The following GRM3 variants were observed in gnomAD, a reference collection of about 807,000 sequenced individuals.
GRM3 encodes glutamate metabotropic receptor 3, also known as metabotropic glutamate receptor 3.
GRM3 carries 26 observed loss-of-function variants against 70.5 expected under a neutral mutation model. That is an observed-to-expected ratio of 0.37 (90% CI 0.27 to 0.51). The LOEUF is 0.51. GRM3 is among the 20% of genes least tolerant of loss of function. The probability of loss-of-function intolerance (pLI) is 0.93; values close to 1 mark genes in which losing one functional copy is unlikely to be tolerated. For synonymous variants in GRM3, 443 were observed against 434.9 expected (o/e 1.02, Z -0.23); for missense variants, 859 against 1,123.8 (o/e 0.76, Z 3.37).
chr7:86,706,618 G>T (rs1299824245), intron 1 of GRM3, among the ~76,000 whole-genome samples: 2 of 151,948 alleles, frequency 1.3e-5, no homozygotes, highest in African/African-American at 4.8e-5. Flanking sequence ...GGAGTGCAAG[G>T]CTCACATGGA....
chr7:86,671,579 G>A (rs1007742306), intron 1 of GRM3, among the ~76,000 whole-genome samples: 1 of 152,112 alleles, frequency 6.6e-6, no homozygotes. Context: ...CTACTGAAAT[G>A]AATTATTTCA....
At chr7:86,844,992 C>T (rs191465128) in intron 4 of GRM3, among the ~76,000 whole-genome samples, 313 of 152,164 alleles carry the variant, frequency 2.1e-3, no homozygotes, top group African/African-American at 6.9e-3. Context: ...TGGATTCAAG[C>T]GATTTTCCTG....
intron 1 of GRM3, among the ~76,000 whole-genome samples, chr7:86,683,709 G>A (rs1242716630): frequency 6.6e-6 from 1 of 152,162 alleles, no homozygotes; most frequent in Non-Finnish European, 1.5e-5. Context: ...TAAGGAATAT[G>A]TCTCTGCCTT....
rs1798528783 is a variant in GRM3, at chr7:86,839,870, C to A, written c.2356C>A (p.Leu786Ile). 6.2e-7 allele frequency: 1 copy of A among 1,609,824 alleles called. No individual in the cohort carries two copies. The highest frequency in any genetic ancestry group is 8.5e-7 in the Non-Finnish European group (1 of 1,176,098). ...YTTCIIWLAF[L>I]PIFYVTSSDY... ...CACGTGCATCATCTGGTTGGCCTTC[C>A]TCCCTATATTTTATGTGACATCAAG... Residue 786 changes from leucine to isoleucine, a missense_variant, in exon 4 of 6, where the codon CTC (leucine) becomes ATC (isoleucine). Transcript: ENST00000361669. This position sits in a 1 kb window ranked among gnomAD's most constrained non-coding sequence, Gnocchi z 4.5.
At chr7:86,734,170 G>T (rs987460650) in intron 1 of GRM3, among the ~76,000 whole-genome samples, 1 of 152,156 alleles carries the variant, frequency 6.6e-6, no homozygotes, top group African/African-American at 2.4e-5. Context: ...TTAGTTCTGA[G>T]ACAGTGGGAA....
At chr7:86,699,747 G>A (rs981517294) in intron 1 of GRM3, among the ~76,000 whole-genome samples, 5 of 151,988 alleles carry the variant, frequency 3.3e-5, no homozygotes, top group South Asian at 2.1e-4. Flanking sequence ...TGGTTTTGAA[G>A]TAACTTGGTC....
At chr7:86,699,281 A>T (rs963852347) in intron 1 of GRM3, among the ~76,000 whole-genome samples, 1 of 152,008 alleles carries the variant, frequency 6.6e-6, no homozygotes, top group Non-Finnish European at 1.5e-5. Flanking sequence ...AATTAGAAAC[A>T]ATACCTATTA....
chr7:86,722,611 G>C (rs192385397), intron 1 of GRM3, among the ~76,000 whole-genome samples: 1 of 141,732 alleles, frequency 7.1e-6, no homozygotes, highest in Non-Finnish European at 1.5e-5. Context: ...GTCGGGGGGT[G>C]GGGGGCTAGG....
chr7:86,852,665 A>G (rs1264908761), intron 5 of GRM3, among the ~76,000 whole-genome samples: 1 of 152,186 alleles, frequency 6.6e-6, no homozygotes, highest in Non-Finnish European at 1.5e-5. Context: ...TAATCAATAC[A>G]AATCAATGAA....
At chr7:86,653,828 A>T (rs1057207044) in intron 1 of GRM3, among the ~76,000 whole-genome samples, 1 of 152,122 alleles carries the variant, frequency 6.6e-6, no homozygotes, top group African/African-American at 2.4e-5. Flanking sequence ...AAGATAAGTT[A>T]CTAGTGTTTG....
At chr7:86,664,096 C>T (rs935285435) in intron 1 of GRM3, among the ~76,000 whole-genome samples, 2 of 151,766 alleles carry the variant, frequency 1.3e-5, no homozygotes, top group African/African-American at 2.4e-5. Context: ...CCAAGAACAA[C>T]AGAAAATCAT....
chr7:86,828,823 C>T (rs1418847517), intron 3 of GRM3, among the ~76,000 whole-genome samples: 1 of 152,206 alleles, frequency 6.6e-6, no homozygotes, highest in African/African-American at 2.4e-5. Context: ...GCGTGTGATG[C>T]TGTTTGACAG....
intron 1 of GRM3, among the ~76,000 whole-genome samples, chr7:86,701,042 T>G (rs1299545628): frequency 6.6e-6 from 1 of 151,946 alleles, no homozygotes; most frequent in Non-Finnish European, 1.5e-5. Context: ...GCTCTACTAC[T>G]GTTTAAACCA....
At chr7:86,833,665 C>A (rs1193557516) in intron 3 of GRM3, among the ~76,000 whole-genome samples, 1 of 152,186 alleles carries the variant, frequency 6.6e-6, no homozygotes, top group East Asian at 1.9e-4. Context: ...AATAACCGTT[C>A]AAGGACAGGA....
At chr7:86,790,770 T>C (rs1231754074) in intron 3 of GRM3, among the ~76,000 whole-genome samples, 1 of 152,136 alleles carries the variant, frequency 6.6e-6, no homozygotes, top group Non-Finnish European at 1.5e-5. Context: ...ATTTCTGTGG[T>C]TAATCCATTC....
At chr7:86,729,685 G>T (rs1795680190) in intron 1 of GRM3, among the ~76,000 whole-genome samples, 3 of 152,140 alleles carry the variant, frequency 2.0e-5, no homozygotes, top group East Asian at 3.8e-4. Flanking sequence ...TTATTTGTAT[G>T]TTCTTATAGA....
chr7:86,656,302 G>A (rs966406786), intron 1 of GRM3, among the ~76,000 whole-genome samples: 12 of 109,356 alleles, frequency 1.1e-4, no homozygotes, highest in Non-Finnish European at 1.7e-4. Flanking sequence ...GTCTTGCTGT[G>A]TTGCCCAGGC....
intron 1 of GRM3, among the ~76,000 whole-genome samples, chr7:86,673,368 C>T (rs981712076): frequency 2.0e-5 from 3 of 152,144 alleles, no homozygotes; most frequent in Non-Finnish European, 4.4e-5. Context: ...ATCCAATTAT[C>T]TATCCACTTC....
At chr7:86,770,344 A>G (rs1796707249) in intron 2 of GRM3, among the ~76,000 whole-genome samples, 1 of 152,100 alleles carries the variant, frequency 6.6e-6, no homozygotes, top group African/African-American at 2.4e-5. Flanking sequence ...GGACCTTCCT[A>G]TCTCTTTCCC....
Sources: allele counts gnomAD v4.1 joint callset (sites outside exome capture counted in the v4.1 genomes callset), GRCh38; gene constraint gnomAD v4.1.1; non-coding constraint Gnocchi (gnomAD v3.1); transcripts MANE v1.5; gene names NCBI Gene and HGNC (gene_info 2026-07-23, HGNC 2026-07-21).